NRXN1: variants seen among roughly 807,000 people sequenced by gnomAD.
NRXN1 encodes the protein neurexin 1.
A neutral mutation model predicts 150.9 loss-of-function variants in NRXN1; 39 were observed. The observed-to-expected ratio is 0.26, with a 90% CI of 0.20 to 0.34. The LOEUF is 0.34. NRXN1 is among the 10% of genes least tolerant of loss of function. The probability of loss-of-function intolerance (pLI) is 1.00; values close to 1 mark genes in which losing one functional copy is unlikely to be tolerated. For synonymous variants in NRXN1, 924 were observed against 757.0 expected (o/e 1.22, Z -3.62); for missense variants, 1,815 against 1,949.9 (o/e 0.93, Z 1.30).
intron 5 of NRXN1, among the ~76,000 whole-genome samples, chr2:50,650,342 A>G (rs776878492): frequency 6.6e-6 from 1 of 152,056 alleles, no homozygotes; most frequent in Non-Finnish European, 1.5e-5. Context: ...AACACAGCAC[A>G]TTGTTTCTGT....
intron 5 of NRXN1, among the ~76,000 whole-genome samples, chr2:50,868,811 T>C (rs1677343016): frequency 6.6e-6 from 1 of 151,836 alleles, no homozygotes; most frequent in South Asian, 2.1e-4. Context: ...TTTACCTCTT[T>C]CCCCATCTCT....
intron 5 of NRXN1, among the ~76,000 whole-genome samples, chr2:50,817,873 G>A (rs1669153746): frequency 6.6e-6 from 1 of 151,832 alleles, no homozygotes; most frequent in Non-Finnish European, 1.5e-5. Context: ...GGCCATATGT[G>A]AAAAACCCAG....
chr2:50,044,289 C>T (rs1278504827), intron 21 of NRXN1, among the ~76,000 whole-genome samples: 1 of 152,130 alleles, frequency 6.6e-6, no homozygotes, highest in East Asian at 1.9e-4. Flanking sequence ...CCCCATATGC[C>T]TCTAGGGTAC....
At chr2:49,987,850 A>G (rs1681200616) in intron 21 of NRXN1, among the ~76,000 whole-genome samples, 1 of 151,906 alleles carries the variant, frequency 6.6e-6, no homozygotes, top group Admixed American at 6.6e-5. Flanking sequence ...TATAAAATTT[A>G]TCCTAACATA....
At chr2:50,971,180 C>T (rs1250239627) in intron 2 of NRXN1, among the ~76,000 whole-genome samples, 1 of 152,058 alleles carries the variant, frequency 6.6e-6, no homozygotes, top group African/African-American at 2.4e-5. Context: ...TATTCACCTC[C>T]CAAATTAGTG....
intron 2 of NRXN1, among the ~76,000 whole-genome samples, chr2:50,983,368 C>A (rs1268034212): frequency 6.6e-6 from 1 of 152,068 alleles, no homozygotes; most frequent in African/African-American, 2.4e-5. Flanking sequence ...CAGCTCCAGG[C>A]TCAAAGAGAG....
intron 21 of NRXN1, among the ~76,000 whole-genome samples, chr2:49,961,633 C>G (rs114171056): frequency 0.011 from 1,699 of 152,216 alleles, 40 homozygotes; most frequent in African/African-American, 0.039. Flanking sequence ...GAAAAATATT[C>G]AGTGAAATTT....
intron 21 of NRXN1, among the ~76,000 whole-genome samples, chr2:49,972,424 T>C (rs917215632): frequency 1.3e-5 from 2 of 152,186 alleles, no homozygotes; most frequent in Non-Finnish European, 2.9e-5. Context: ...AGGAAAATAA[T>C]AGTAGATTAG....
chr2:50,886,052 G>C (rs1047835818), intron 5 of NRXN1, among the ~76,000 whole-genome samples: 4 of 151,322 alleles, frequency 2.6e-5, no homozygotes, highest in Non-Finnish European at 5.9e-5. Context: ...AACTAATACA[G>C]AGATTTTTAT....
chr2:50,562,326 ATAC>A (rs796863503), intron 8 of NRXN1, among the ~76,000 whole-genome samples: 3 of 111,442 alleles, frequency 2.7e-5, no homozygotes, highest in African/African-American at 4.6e-5. Flanking sequence ...TATGATAGAT[ATAC>A]GATAGATAGA....
intron 17 of NRXN1, among the ~76,000 whole-genome samples, chr2:50,384,887 C>T (rs2103726607): frequency 6.6e-6 from 1 of 152,240 alleles, no homozygotes; most frequent in Middle Eastern, 3.4e-3. Flanking sequence ...TTCACCCACT[C>T]AACTCTTGGC....
intron 17 of NRXN1, among the ~76,000 whole-genome samples, chr2:50,315,131 A>C (rs1337291145): frequency 6.6e-6 from 1 of 152,046 alleles, no homozygotes; most frequent in Admixed American, 6.6e-5. Flanking sequence ...AACACAGTAG[A>C]ATCTCTTTTC....
rs201847846 is a variant in NRXN1, at chr2:51,028,198, C to T, written c.76G>A (p.Glu26Lys). 3 of 1,495,522 alleles carry T rather than the reference C, an allele frequency of 2.0e-6. No homozygotes were observed. The highest frequency in any genetic ancestry group is 2.7e-6 in the Non-Finnish European group (3 of 1,128,388). 92.6% of individuals were successfully genotyped at this position (1,495,522 alleles called of 1,614,324 possible). A position where few individuals can be genotyped will look rare whatever the true frequency, so the allele number is the denominator to read the frequency against. ...GGAAACTCCAGCCCGCTGCCCAGCT[C>T]CGCCCAGCAGCCCAGGAGCAGCAGC... The part of the protein sequence containing the change: ...LSLLLLGCWA[E>K]LGSGLEFPGA... The change falls in exon 2 of 23, where the codon GAG becomes AAG. Residue 26 changes from glutamate (E) to lysine (K), a missense_variant. By Grantham distance (56) the Glu-to-Lys change is moderately conservative. Transcript: ENST00000401669.
chr2:50,647,253 C>G (rs2104527254), intron 5 of NRXN1, among the ~76,000 whole-genome samples: 1 of 151,932 alleles, frequency 6.6e-6, no homozygotes, highest in African/African-American at 2.4e-5. Flanking sequence ...TTTATATCCA[C>G]TTTTGAGGGC....
At chr2:50,017,752 T>C (rs1441696153) in intron 21 of NRXN1, among the ~76,000 whole-genome samples, 1 of 151,542 alleles carries the variant, frequency 6.6e-6, no homozygotes, top group Non-Finnish European at 1.5e-5. Flanking sequence ...ACCTTTAAGG[T>C]TGGAAAGCAC....
intron 5 of NRXN1, among the ~76,000 whole-genome samples, chr2:50,830,871 A>C (rs1450283919): frequency 6.6e-6 from 1 of 152,016 alleles, no homozygotes. Context: ...CAGCAGAAAA[A>C]ACGACACACA....
At chr2:51,026,534 C>T (rs952185377) in intron 2 of NRXN1, 22 of 1,048,236 alleles carry the variant, frequency 2.1e-5, no homozygotes, top group Non-Finnish European at 3.2e-5. Flanking sequence ...GTTTTAAGCC[C>T]CAAGAACCAC....
chr2:50,086,038 G>T (rs534485349), intron 19 of NRXN1, among the ~76,000 whole-genome samples: 2 of 152,114 alleles, frequency 1.3e-5, no homozygotes, highest in Non-Finnish European at 2.9e-5. Flanking sequence ...TCTCTTCAAG[G>T]TTCCATTTTG....
intron 17 of NRXN1, among the ~76,000 whole-genome samples, chr2:50,371,244 T>G (rs1367218095): frequency 6.6e-6 from 1 of 151,954 alleles, no homozygotes; most frequent in Non-Finnish European, 1.5e-5. Flanking sequence ...TTCATTTGAT[T>G]ATTACCAATA....
Sources: allele counts gnomAD v4.1 joint callset (sites outside exome capture counted in the v4.1 genomes callset), GRCh38; gene constraint gnomAD v4.1.1; transcripts MANE v1.5; gene names NCBI Gene and HGNC (gene_info 2026-07-23, HGNC 2026-07-21).